ELK4: variants seen among roughly 807,000 people sequenced by gnomAD.
The protein encoded by ELK4 is ETS domain-containing protein Elk-4.
Under a neutral mutation model 29.6 loss-of-function variants are expected in ELK4, and 16 were observed. The ratio of observed to expected loss-of-function variants is 0.54; its 90% CI spans 0.37 to 0.82. ELK4 has a LOEUF of 0.82. Among genes scored for constraint, ELK4 ranks in the 40% least tolerant of loss-of-function variants. The pLI, the probability that ELK4 is intolerant of heterozygous loss-of-function variation, is 0.00. For synonymous variants in ELK4, 213 were observed against 191.1 expected (o/e 1.11, Z -0.95); for missense variants, 465 against 507.1 (o/e 0.92, Z 0.80).
At chr1:205,619,468 ATGTT>A (rs771813911) in intron 3 of ELK4, 4 of 1,068,128 alleles carry the variant, frequency 3.7e-6, no homozygotes, top group Non-Finnish European at 4.5e-6. Context: ...AGACACCAGC[ATGTT>A]TGTTTTTTTT....
At position 205,613,629 on chromosome 1, in the gene ELK4, T is replaced by G. The variant is rs1670187007; in HGVS notation, c.*2917A>C. ...ATTTATATTAGAATTTTATTTATAA[T>G]TTATATTTGCAGCAAATGCTACAAA... On this transcript the variant is annotated 3_prime_UTR_variant, in exon 5 of 5. Transcript: ENST00000357992. 2 of 182,828 alleles carry G rather than the reference T, an allele frequency of 1.1e-5. No homozygotes were observed. Among genetic ancestry groups the G allele is most frequent in the Non-Finnish European group, 2.3e-5 (2 of 86,032 alleles). 11.3% of individuals were successfully genotyped at this position (182,828 alleles called of 1,614,324 possible).
At chr1:205,624,708 T>C (rs567299408) in intron 1 of ELK4, among the ~76,000 whole-genome samples, 14 of 152,288 alleles carry the variant, frequency 9.2e-5, no homozygotes, top group African/African-American at 3.4e-4. Flanking sequence ...TTCTTTGTTG[T>C]GGGAAGCTGT....
Position 205,615,405 on chromosome 1 carries a change from A to C in ELK4, c.*1141T>G. 6.2e-6 allele frequency: 1 copy of C among 161,892 alleles called. No individual in the cohort carries two copies. The highest frequency in any genetic ancestry group is 1.3e-4 in the East Asian group (1 of 7,520). 10.0% of individuals were successfully genotyped at this position (161,892 alleles called of 1,614,324 possible). A position where few individuals can be genotyped will look rare whatever the true frequency, so the allele number is the denominator to read the frequency against. ...GACTCTGTCTCAAAAAAAAAAAAAAAAAAAAAAAAAGGAAATAAGCACATC... is the reference window on the plus strand; with the variant it reads ...GACTCTGTCTCAAAAAAAAAAAAAACAAAAAAAAAAGGAAATAAGCACATC... On this transcript the variant is annotated 3_prime_UTR_variant, in exon 5 of 5. Coordinates refer to ENST00000357992, the MANE Select transcript of ELK4 (RefSeq NM_001973.4).
At chr1:205,617,107 G>A (rs1261137358) in intron 4 of ELK4, among the ~76,000 whole-genome samples, 7 of 152,186 alleles carry the variant, frequency 4.6e-5, no homozygotes, top group Admixed American at 2.6e-4. Context: ...TCTACAGGGA[G>A]ATTCCAGGCT....
chr1:205,617,826 A>G (rs1670259143), intron 4 of ELK4, among the ~76,000 whole-genome samples: 1 of 152,052 alleles, frequency 6.6e-6, no homozygotes, highest in South Asian at 2.1e-4. Context: ...GCTTGAACCC[A>G]GGAGGCAGAG....
Position 205,616,235 on chromosome 1 carries a change from C to T in ELK4, c.*311G>A, listed in dbSNP as rs141619403. 1.5e-3 allele frequency: 426 copies of T among 292,048 alleles called. 1 individual carries two copies. The highest frequency in any genetic ancestry group is 8.4e-3 in the African/African-American group (402 of 47,900). The allele number at this position is 292,048 out of a possible 1,614,324, so 18.1% of individuals were successfully genotyped here. A position where few individuals can be genotyped will look rare whatever the true frequency, so the allele number is the denominator to read the frequency against. On this transcript the variant is annotated 3_prime_UTR_variant, in exon 5 of 5. Transcript: ENST00000357992. ...TGCAAAGCACAGTCACTAAAGCCCA[C>T]CAAAAACTTCTTCAGCACAAAGCTC... is the stretch of plus-strand genomic sequence containing the variant.
At chr1:205,625,411 AT>A (rs1471853212) in intron 1 of ELK4, 10 of 526,620 alleles carry the variant, frequency 1.9e-5, no homozygotes, top group Admixed American at 9.2e-5. Context: ...TGTCGCCACT[AT>A]CACTGCCACC....
rs753473343 is a variant in ELK4 at position 205,620,290 on chromosome 1, T to C, written c.756A>G (p.Thr252=). Residue 252 remains threonine (T), a synonymous_variant, in exon 3 of 5, where the codon ACA becomes ACG. Transcript: ENST00000357992. The part of the protein sequence containing the change: ...ASNVMTAFAT[T]PPISSIPPLQ... Reference sequence around the variant, plus strand: ...AAGGGGGTATGGACGAAATGGGTGGTGTGGTGGCAAAAGCAGTCATTACGT... The same window carrying C: ...AAGGGGGTATGGACGAAATGGGTGGCGTGGTGGCAAAAGCAGTCATTACGT... The C allele has an allele frequency of 1.2e-6, 2 of 1,614,084 alleles. No homozygotes were observed. The highest frequency in any genetic ancestry group is 1.7e-6 in the Non-Finnish European group (2 of 1,180,020).
Position 205,620,841 on chromosome 1 carries a change from G to C in ELK4, c.208-3C>G. 6.3e-7 allele frequency: 1 copy of C among 1,589,642 alleles called. No individual in the cohort carries two copies. The highest frequency in any genetic ancestry group is 8.5e-7 in the Non-Finnish European group (1 of 1,172,590). The stretch of plus-strand genomic sequence containing the variant: ...CCATTCACTTTTTTGATGATATTCT[G>C]TAGGTTAAAAAAAAAAGCATTTTTA... On this transcript the variant is annotated splice_polypyrimidine_tract_variant and splice_region_variant and intron_variant, in intron 2 of 4. Coordinates refer to ENST00000357992, the MANE Select transcript of ELK4 (RefSeq NM_001973.4).
intron 1 of ELK4, among the ~76,000 whole-genome samples, chr1:205,628,981 G>C (rs1317136518): frequency 6.6e-6 from 1 of 151,968 alleles, no homozygotes; most frequent in Non-Finnish European, 1.5e-5. Context: ...AGACCATCCT[G>C]GCTAACAAGG....
chr1:205,623,113 G>A lies in ELK4; in HGVS notation c.207+563C>T, dbSNP rs368409621. On this transcript the variant is annotated intron_variant, in intron 2 of 4. Transcript: ENST00000357992. ...GCAGAGGTTGCAGTAAGCCAAGATC[G>A]CACCATTGCACTCCAGCCTGGGCGA... Among the ~76,000 whole-genome samples the A allele has an allele frequency of 4.9e-5, 7 of 143,694 alleles. No individual in the cohort carries two copies. In the East Asian group the frequency reaches 6.4e-4, roughly 13 times the overall value. 94.3% of individuals were successfully genotyped at this position (143,694 alleles called of 152,430 possible). A position where few individuals can be genotyped will look rare whatever the true frequency, so the allele number is the denominator to read the frequency against.
intron 3 of ELK4, chr1:205,619,639 C>T: frequency 7.5e-7 from 1 of 1,335,476 alleles, no homozygotes; most frequent in Non-Finnish European, 9.5e-7. Context: ...GAGATTATCA[C>T]TGTTTGTTTT....
chr1:205,618,678 C>A (rs1279606963), intron 4 of ELK4, among the ~76,000 whole-genome samples: 1 of 152,064 alleles, frequency 6.6e-6, no homozygotes, highest in Admixed American at 6.6e-5. Flanking sequence ...CAAAAATCAA[C>A]CAGACGTGGT....
intron 4 of ELK4, among the ~76,000 whole-genome samples, chr1:205,617,224 T>C (rs912586001): frequency 1.3e-5 from 2 of 152,214 alleles, no homozygotes; most frequent in African/African-American, 4.8e-5. Flanking sequence ...TTCTCAACTT[T>C]TTTTTCTATT....
At chr1:205,624,725 C>T (rs1482691476) in intron 1 of ELK4, among the ~76,000 whole-genome samples, 1 of 152,110 alleles carries the variant, frequency 6.6e-6, no homozygotes, top group Non-Finnish European at 1.5e-5. Flanking sequence ...CTGTCCTGTA[C>T]ACTGCAGTTT....
Position 205,615,521 on chromosome 1 carries a change from A to T in ELK4, c.*1025T>A. Reference sequence around the variant, plus strand: ...ATAACCTCTAACAACCTTAAACATAAAGGAAAGGTGATAAATGTATAGTAG... The same window carrying T: ...ATAACCTCTAACAACCTTAAACATATAGGAAAGGTGATAAATGTATAGTAG... On this transcript the variant is annotated 3_prime_UTR_variant, in exon 5 of 5. Coordinates refer to ENST00000357992, the MANE Select transcript of ELK4 (RefSeq NM_001973.4). 1 of 186,552 alleles carries T rather than the reference A, an allele frequency of 5.4e-6. No homozygotes were observed. The allele number at this position is 186,552 out of a possible 1,614,324, so 11.6% of individuals were successfully genotyped here.
In ELK4 at chr1:205,613,779, CCATT is replaced by C; in HGVS notation, c.*2763_*2766del. 1 of 194,362 alleles carries C rather than the reference CCATT, an allele frequency of 5.1e-6. No homozygotes were observed. The highest frequency in any genetic ancestry group is 1.1e-5 in the Non-Finnish European group (1 of 93,866). 12.0% of individuals were successfully genotyped at this position (194,362 alleles called of 1,614,324 possible). On this transcript the variant is annotated 3_prime_UTR_variant, in exon 5 of 5. Transcript: ENST00000357992. ...GTATCAGAGAAGATGTCTCAAAACC[CCATT>C]CAATCTGCTCCCCTTCCGTAACTTA...
Position 205,610,696 on chromosome 1 carries a change from A to G in ELK4, c.*5850T>C. 1 of 232,064 alleles carries G rather than the reference A, an allele frequency of 4.3e-6. No individual in the cohort carries two copies. The highest frequency in any genetic ancestry group is 8.5e-6 in the Non-Finnish European group (1 of 117,344). The allele number at this position is 232,064 out of a possible 1,614,324, so 14.4% of individuals were successfully genotyped here. ...TTAAAAAGTGGCAACTGCAAAGTGCAGCAAATTTTTTTAAGTTTTAGTATA... is the reference window on the plus strand; with the variant it reads ...TTAAAAAGTGGCAACTGCAAAGTGCGGCAAATTTTTTTAAGTTTTAGTATA... On this transcript the variant is annotated 3_prime_UTR_variant, in exon 5 of 5. Transcript: ENST00000357992.
At chr1:205,629,898 C>CA (rs1225021978) in intron 1 of ELK4, among the ~76,000 whole-genome samples, 5 of 151,746 alleles carry the variant, frequency 3.3e-5, no homozygotes. Flanking sequence ...ACCAAAAATA[C>CA]AAAAAATTAG....
Sources: allele counts gnomAD v4.1 joint callset (sites outside exome capture counted in the v4.1 genomes callset), GRCh38; gene constraint gnomAD v4.1.1; transcripts MANE v1.5; gene names NCBI Gene and HGNC (gene_info 2026-07-23, HGNC 2026-07-21).